Variants in CAMKMT observed in about 807,000 individuals in gnomAD.
CAMKMT encodes CaM KMT.
A neutral mutation model predicts 48.0 loss-of-function variants in CAMKMT; 53 were observed. The observed-to-expected ratio is 1.10, with a 90% CI of 0.89 to 1.39. The LOEUF (loss-of-function observed/expected upper bound fraction) is 1.39, where lower values mean the gene tolerates loss of function less well. Ranked by LOEUF, CAMKMT falls within the 40% of genes most tolerant of loss-of-function variation. CAMKMT has a pLI of 0.00. For synonymous variants in CAMKMT, 165 were observed against 152.3 expected (o/e 1.08, Z -0.61); for missense variants, 428 against 402.7 (o/e 1.06, Z -0.54).
At chr2:44,575,641 A>T (rs765144147) in intron 3 of CAMKMT, among the ~76,000 whole-genome samples, 7 of 151,658 alleles carry the variant, frequency 4.6e-5, no homozygotes, top group Admixed American at 6.6e-5. Flanking sequence ...AGACTGAGGT[A>T]GGTGGATCTC....
intron 9 of CAMKMT, among the ~76,000 whole-genome samples, chr2:44,761,340 A>G (rs561260685): frequency 6.6e-6 from 1 of 152,154 alleles, no homozygotes; most frequent in East Asian, 1.9e-4. Flanking sequence ...AGAGCCCAAG[A>G]TGTGTATGAG....
At chr2:44,612,073 T>C (rs776585627) in intron 3 of CAMKMT, among the ~76,000 whole-genome samples, 8 of 152,150 alleles carry the variant, frequency 5.3e-5, no homozygotes, top group Non-Finnish European at 8.8e-5. Flanking sequence ...TAATAAACTA[T>C]GTATGTGATG....
chr2:44,522,419 C>A (rs1450025058), intron 3 of CAMKMT, among the ~76,000 whole-genome samples: 1 of 152,186 alleles, frequency 6.6e-6, no homozygotes, highest in East Asian at 1.9e-4. Context: ...ACAAAAGCCA[C>A]ACTCACTAAT....
chr2:44,549,505 T>C (rs775138038), intron 3 of CAMKMT: 1 of 692,818 alleles, frequency 1.4e-6, no homozygotes, highest in South Asian at 1.5e-5. Context: ...CCACAATTAC[T>C]TTTGCACCAA....
chr2:44,676,947 A>T (rs1296754111), intron 3 of CAMKMT, among the ~76,000 whole-genome samples: 1 of 152,078 alleles, frequency 6.6e-6, no homozygotes, highest in Admixed American at 6.5e-5. Context: ...TCTCTCTCAG[A>T]ATTCTCTGCA....
chr2:44,371,728 A>AT (rs1444495901), intron 1 of CAMKMT, among the ~76,000 whole-genome samples: 1 of 152,118 alleles, frequency 6.6e-6, no homozygotes, highest in East Asian at 1.9e-4. Context: ...CTCAGATGTC[A>AT]TTTTTTCTTT....
At chr2:44,598,058 AAAT>A (rs1490935360) in intron 3 of CAMKMT, among the ~76,000 whole-genome samples, 10 of 151,884 alleles carry the variant, frequency 6.6e-5, no homozygotes, top group Non-Finnish European at 1.3e-4. Flanking sequence ...TAATGCCATA[AAAT>A]AATAAGATCT....
At chr2:44,771,395 G>A (rs991076192) in intron 10 of CAMKMT, among the ~76,000 whole-genome samples, 3 of 152,114 alleles carry the variant, frequency 2.0e-5, no homozygotes, top group African/African-American at 7.2e-5. Context: ...CTTCATATGT[G>A]AGAAACCTAA....
chr2:44,601,975 C>G (rs1366352781), intron 3 of CAMKMT, among the ~76,000 whole-genome samples: 1 of 151,826 alleles, frequency 6.6e-6, no homozygotes, highest in Non-Finnish European at 1.5e-5. Context: ...ATTGCATATG[C>G]TATATTGTAG....
chr2:44,712,854 A>G (rs1170862325), intron 6 of CAMKMT, among the ~76,000 whole-genome samples: 1 of 152,146 alleles, frequency 6.6e-6, no homozygotes, highest in Non-Finnish European at 1.5e-5. Flanking sequence ...TTATTGGACA[A>G]CACAGTGCCG....
chr2:44,758,519 T>A (rs1235888925), intron 9 of CAMKMT, among the ~76,000 whole-genome samples: 1 of 152,156 alleles, frequency 6.6e-6, no homozygotes, highest in Non-Finnish European at 1.5e-5. Flanking sequence ...CTAAAGAAAC[T>A]GTAAAGATAG....
intron 3 of CAMKMT, among the ~76,000 whole-genome samples, chr2:44,666,543 G>A (rs908175970): frequency 4.6e-5 from 7 of 151,330 alleles, no homozygotes; most frequent in African/African-American, 1.7e-4. Context: ...AAGCCACCAC[G>A]TTCTCCAGTC....
intron 3 of CAMKMT, among the ~76,000 whole-genome samples, chr2:44,651,346 G>C (rs149618550): frequency 6.6e-6 from 1 of 152,196 alleles, no homozygotes; most frequent in South Asian, 2.1e-4. Context: ...AAAAGTTCTT[G>C]TAATGACCTG....
intron 1 of CAMKMT, among the ~76,000 whole-genome samples, chr2:44,365,109 G>T (rs1335246742): frequency 6.6e-6 from 1 of 152,154 alleles, no homozygotes; most frequent in African/African-American, 2.4e-5. Flanking sequence ...TATCCTATAT[G>T]CATCTAGTAC....
chr2:44,451,590 A>T (rs1484558278), intron 3 of CAMKMT, among the ~76,000 whole-genome samples: 3 of 151,990 alleles, frequency 2.0e-5, no homozygotes, highest in Non-Finnish European at 4.4e-5. Context: ...ATCTGGCTGT[A>T]ATCAAAAGCA....
In CAMKMT at chr2:44,754,179, G is replaced by C; in HGVS notation, c.762+61G>C. On this transcript the variant is annotated intron_variant, in intron 9 of 10. Coordinates refer to ENST00000378494, the MANE Select transcript of CAMKMT (RefSeq NM_024766.5). ...ACAGAATAATTAGTCTGTGCACAAA[G>C]ATGGAGAGAGTAATGGAATGGCAGG... 4 of 1,276,298 alleles carry C rather than the reference G, an allele frequency of 3.1e-6. No homozygotes were observed. In the South Asian group the frequency reaches 4.8e-5, roughly 15 times the overall value. 79.1% of individuals were successfully genotyped at this position (1,276,298 alleles called of 1,614,324 possible). A position where few individuals can be genotyped will look rare whatever the true frequency, so the allele number is the denominator to read the frequency against.
intron 2 of CAMKMT, among the ~76,000 whole-genome samples, chr2:44,388,738 T>G (rs1681023902): frequency 6.6e-6 from 1 of 152,196 alleles, no homozygotes; most frequent in African/African-American, 2.4e-5. Context: ...CCTATGGATG[T>G]GGCTTCCTAT....
intron 1 of CAMKMT, among the ~76,000 whole-genome samples, chr2:44,367,247 C>A (rs1678695568): frequency 6.6e-6 from 1 of 152,068 alleles, no homozygotes; most frequent in East Asian, 1.9e-4. Context: ...GTTCCAATAT[C>A]CGAGAAAGGA....
Position 44,538,018 on chromosome 2 carries a change from C to G in CAMKMT, c.376+147713C>G, listed in dbSNP as rs1225883105. Among the ~76,000 whole-genome samples the G allele has an allele frequency of 2.0e-5, 3 of 152,158 alleles. No individual in the cohort carries two copies. The East Asian group carries it at 5.8e-4, about 29-fold the overall frequency. ...ATGCACACATGTGTTTATAGCAGCA[C>G]AGTTCCAAATTGCAAAGATATGGAA... is the stretch of plus-strand genomic sequence containing the variant. On this transcript the variant is annotated intron_variant, in intron 3 of 10. Transcript: ENST00000378494.
Sources: allele counts gnomAD v4.1 joint callset (sites outside exome capture counted in the v4.1 genomes callset), GRCh38; gene constraint gnomAD v4.1.1; transcripts MANE v1.5; gene names NCBI Gene and HGNC (gene_info 2026-07-23, HGNC 2026-07-21).